The following SLC4A9 variants were observed in gnomAD, a reference collection of about 807,000 sequenced individuals.
The protein encoded by SLC4A9 is solute carrier family 4 member 9.
Under a neutral mutation model 103.2 loss-of-function variants are expected in SLC4A9, and 102 were observed. The observed-to-expected ratio is 0.99, with a 90% CI of 0.84 to 1.17. The LOEUF (loss-of-function observed/expected upper bound fraction) is 1.17, where lower values mean the gene tolerates loss of function less well. Ranked by LOEUF, SLC4A9 falls within the 50% of genes most tolerant of loss-of-function variation. The pLI, the probability that SLC4A9 is intolerant of heterozygous loss-of-function variation, is 0.00. For synonymous variants in SLC4A9, 453 were observed against 483.6 expected, an observed-to-expected ratio of 0.94 and a Z score of 0.83; for missense variants, 1,091 against 1,193.7, an observed-to-expected ratio of 0.91 and a Z score of 1.27.
In SLC4A9 at chr5:140,363,993, C is replaced by G; in HGVS notation, c.1255-61C>G. Reference sequence around the variant, plus strand: ...TATGGGTAAGTTAAGGAGGCTCTCCCAAAGCTTCAAAGGACCCCGAGGACT... The same window carrying G: ...TATGGGTAAGTTAAGGAGGCTCTCCGAAAGCTTCAAAGGACCCCGAGGACT... On this transcript the variant is annotated intron_variant, in intron 9 of 21. Coordinates refer to ENST00000506757, the MANE Select transcript of SLC4A9 (RefSeq NM_031467.3). The surrounding 1 kb of genome is among the most constrained non-coding windows in gnomAD (Gnocchi z 4.5). 5 of 1,540,046 alleles carry G rather than the reference C, an allele frequency of 3.2e-6. No individual in the cohort carries two copies. The highest frequency in any genetic ancestry group is 3.5e-6 in the Non-Finnish European group (4 of 1,142,506).
chr5:140,372,245 C>T lies in SLC4A9; in HGVS notation c.2674C>T (p.Leu892=), dbSNP rs2126799137. ...GGCCATGTTTCTATTCCTGCAGTTGCTGGGCCTTGTGGGGGTCCGAAAGGC... is the reference window on the plus strand; with the variant it reads ...GGCCATGTTTCTATTCCTGCAGTTGTTGGGCCTTGTGGGGGTCCGAAAGGC... ...PAAIIFPLML[L]GLVGVRKALE... is the part of the protein sequence containing the mutation. Residue 892 remains leucine (L), a synonymous_variant, in exon 20 of 22, where the codon CTG becomes TTG. Transcript: ENST00000506757. The T allele has an allele frequency of 6.4e-7, 1 of 1,553,272 alleles. No individual in the cohort carries two copies. Among genetic ancestry groups the T allele is most frequent in the South Asian group, 1.2e-5 (1 of 81,916 alleles).
In SLC4A9 at chr5:140,372,784, AT is replaced by A. The variant is rs1382070403; in HGVS notation, c.2869del (p.Ser957LeufsTer2). The A allele has an allele frequency of 3.2e-6, 5 of 1,573,942 alleles. No individual in the cohort carries two copies. The highest frequency in any genetic ancestry group is 4.3e-6 in the Non-Finnish European group (5 of 1,158,526). ...MYQPKAPEINISVN is the reference protein window; with the variant it reads ...MYQPKAPEINXSVN ...TCAGCCAAAGGCTCCAGAAATCAAC[AT>A]TTCTGTGAATTAGCTGGAGTAGGAG... On this transcript the variant is annotated frameshift_variant, in exon 21 of 22. Transcript: ENST00000506757. LOFTEE classifies it high-confidence loss of function.
rs1767818250 is a variant in SLC4A9, at chr5:140,365,970, T to C, written c.1847T>C (p.Phe616Ser). The C allele has an allele frequency of 1.2e-6, 2 of 1,613,914 alleles. No individual in the cohort carries two copies. Among genetic ancestry groups the C allele is most frequent in the Admixed American group, 1.7e-5 (1 of 60,004 alleles). Residue 616 changes from phenylalanine to serine, a missense_variant, in exon 13 of 22, where the codon TTC (phenylalanine) becomes TCC (serine). Coordinates refer to ENST00000506757, the MANE Select transcript of SLC4A9 (RefSeq NM_031467.3). ...FSLLLFLTSF[F>S]FAMALKCVKT... Reference sequence around the variant, plus strand: ...CTTCTCCTCTTCCTTACTTCTTTCTTCTTTGCTATGGCCCTCAAGTGTGTA... The same window carrying C: ...CTTCTCCTCTTCCTTACTTCTTTCTCCTTTGCTATGGCCCTCAAGTGTGTA...
At chr5:140,361,893 C>T (rs1253369567) in intron 4 of SLC4A9, 30 bp downstream of exon 4, 2 of 1,601,002 alleles carry the variant, frequency 1.2e-6, no homozygotes, top group African/African-American at 1.3e-5. Flanking sequence ...GGTCCCTTTC[C>T]AGTGGCTGGG....
chr5:140,365,389 T>C (rs1767724758), intron 11 of SLC4A9, 131 bp from the exon 12 acceptor site: 3 of 717,626 alleles, frequency 4.2e-6, no homozygotes, highest in Admixed American at 5.0e-5. Flanking sequence ...TTGGTAGTGA[T>C]AGAGTCAGCA....
intron 16 of SLC4A9, 100 bp from the exon 17 acceptor site, chr5:140,368,487 T>C: frequency 2.1e-6 from 2 of 961,298 alleles, no homozygotes; most frequent in Non-Finnish European, 3.1e-6. Flanking sequence ...TCTAGTTTTC[T>C]CTTGCTGCCG....
rs764464693 is a variant in SLC4A9 at position 140,361,354 on chromosome 5, C to A, written c.492C>A (p.Thr164=). ...AGCATTACAACCAGACCACAGGCACCAGGCCCTGCTGGGGTGAGAGCCCCT... is the reference window on the plus strand; with the variant it reads ...AGCATTACAACCAGACCACAGGCACAAGGCCCTGCTGGGGTGAGAGCCCCT... ...RPQHYNQTTG[T]RPCWGSTHPR... Residue 164 remains threonine, a synonymous_variant, in exon 3 of 22, where the codon ACC becomes ACA. Transcript: ENST00000506757. The A allele has an allele frequency of 1.9e-6, 3 of 1,556,500 alleles. No individual in the cohort carries two copies. The South Asian group carries it at 3.6e-5, about 18-fold the overall frequency.
chr5:140,374,320 G>A (rs1188375171), intron 21 of SLC4A9, among the ~76,000 whole-genome samples: 3 of 152,016 alleles, frequency 2.0e-5, no homozygotes, highest in Non-Finnish European at 4.4e-5. Flanking sequence ...AGCACTTTGG[G>A]AGGCCGAGGC....
Position 140,363,538 on chromosome 5 carries a change from G to A in SLC4A9, c.1062G>A (p.Glu354=). The A allele has an allele frequency of 6.4e-7, 1 of 1,553,384 alleles. No individual in the cohort carries two copies. Among genetic ancestry groups the A allele is most frequent in the Non-Finnish European group, 8.7e-7 (1 of 1,148,188 alleles). Residue 354 remains glutamate, a synonymous_variant, in exon 8 of 22, where the codon GAG becomes GAA. Coordinates refer to ENST00000506757, the MANE Select transcript of SLC4A9 (RefSeq NM_031467.3). The surrounding 1 kb of genome is among the most constrained non-coding windows in gnomAD (Gnocchi z 4.5). ...HRHGPHAHSP[E]LQRTGRLFGG... is the part of the protein sequence containing the mutation. Reference sequence around the variant, plus strand: ...ATGGGCCACACGCACACAGCCCGGAGTTGCAGCGGACCGGCAGGTGAGGCG... The same window carrying A: ...ATGGGCCACACGCACACAGCCCGGAATTGCAGCGGACCGGCAGGTGAGGCG...
Position 140,363,426 on chromosome 5 carries a change from C to T in SLC4A9, c.963-13C>T. Reference sequence around the variant, plus strand: ...GAGATCCTCAGCCAACCTGGGGTTCCCCTCCTCCTCAGGCTTCCCTCGCAA... The same window carrying T: ...GAGATCCTCAGCCAACCTGGGGTTCTCCTCCTCCTCAGGCTTCCCTCGCAA... On this transcript the variant is annotated splice_polypyrimidine_tract_variant and intron_variant, in intron 7 of 21. Coordinates refer to ENST00000506757, the MANE Select transcript of SLC4A9 (RefSeq NM_031467.3). This position sits in a 1 kb window ranked among gnomAD's most constrained non-coding sequence, Gnocchi z 4.5. 1 of 1,550,378 alleles carries T rather than the reference C, an allele frequency of 6.5e-7. No individual in the cohort carries two copies. Among genetic ancestry groups the T allele is most frequent in the African/African-American group, 1.4e-5 (1 of 73,158 alleles).
chr5:140,370,464 CAA>C (rs397976586), intron 17 of SLC4A9, among the ~76,000 whole-genome samples: 2 of 90,874 alleles, frequency 2.2e-5, no homozygotes. Context: ...AACTCCACCT[CAA>C]AAAAAAAAAA....
Position 140,363,776 on chromosome 5 carries a change from C to A in SLC4A9, c.1128C>A (p.Tyr376Ter). 6.2e-7 allele frequency: 1 copy of A among 1,613,920 alleles called. No individual in the cohort carries two copies. The highest frequency in any genetic ancestry group is 1.3e-5 in the African/African-American group (1 of 75,018). Residue 376 changes from tyrosine to a stop codon, truncating the protein, a stop_gained, in exon 9 of 22, where the codon TAC becomes TAA. Coordinates refer to ENST00000506757, the MANE Select transcript of SLC4A9 (RefSeq NM_031467.3). LOFTEE classifies it high-confidence loss of function. This position sits in a 1 kb window ranked among gnomAD's most constrained non-coding sequence, Gnocchi z 4.5. ...IQDVRRKVPW[Y>*]PSDFLDALHL... ...ACGTGCGCAGGAAGGTCCCGTGGTA[C>A]CCCAGCGATTTCTTGGACGCCCTGC... is the stretch of plus-strand genomic sequence containing the variant.
chr5:140,364,705 CT>C (rs1387729469), intron 11 of SLC4A9, 80 bp downstream of exon 11: 9 of 1,512,432 alleles, frequency 6.0e-6, no homozygotes, highest in Non-Finnish European at 8.0e-6. Context: ...ACTATCCCCC[CT>C]GGTTAAGTTC....
At chr5:140,370,053 AAAAC>A (rs1170015340) in intron 17 of SLC4A9, among the ~76,000 whole-genome samples, 2 of 152,160 alleles carry the variant, frequency 1.3e-5, no homozygotes, top group Non-Finnish European at 2.9e-5. Flanking sequence ...CCTAAACAAA[AAAAC>A]AAACAAAAAC....
In SLC4A9 at chr5:140,371,435, C is replaced by G. The variant is rs1195175841; in HGVS notation, c.2497-16C>G. The G allele has an allele frequency of 6.2e-7, 1 of 1,613,744 alleles. No individual in the cohort carries two copies. Among genetic ancestry groups the G allele is most frequent in the African/African-American group, 1.3e-5 (1 of 75,040 alleles). ...TACCTGAGTGCCCTGCTTTCCTCTT[C>G]CTCTTGTTCCCCTAGTTCACTAATA... On this transcript the variant is annotated splice_polypyrimidine_tract_variant and intron_variant, in intron 18 of 21. Coordinates refer to ENST00000506757, the MANE Select transcript of SLC4A9 (RefSeq NM_031467.3).
At chr5:140,367,674 G>T in intron 15 of SLC4A9, 46 bp from the exon 16 acceptor site, 1 of 1,609,802 alleles carries the variant, frequency 6.2e-7, no homozygotes, top group South Asian at 1.1e-5. Flanking sequence ...CAGAGGGCTG[G>T]GGCCTGGGCT....
intron 12 of SLC4A9, 108 bp from the exon 13 acceptor site, chr5:140,365,726 C>A: frequency 2.8e-6 from 4 of 1,431,044 alleles, no homozygotes; most frequent in Non-Finnish European, 3.8e-6. Flanking sequence ...ACTTCCCATC[C>A]TGGGCCCCTG....
intron 21 of SLC4A9, among the ~76,000 whole-genome samples, chr5:140,373,428 C>T (rs1302828266): frequency 6.6e-6 from 1 of 152,048 alleles, no homozygotes; most frequent in African/African-American, 2.4e-5. Context: ...AATAAACAGA[C>T]AATTGTTAGA....
intron 14 of SLC4A9, among the ~76,000 whole-genome samples, 166 bp downstream of exon 14, chr5:140,366,430 GA>G (rs1767901404): frequency 6.6e-6 from 1 of 152,192 alleles, no homozygotes; most frequent in Non-Finnish European, 1.5e-5. Flanking sequence ...AGGATTAAAT[GA>G]AGTACTGCAG....
Sources: gnomAD v4.1 joint callset for allele counts (sites outside exome capture counted in the v4.1 genomes callset) on GRCh38, gnomAD v4.1.1 for gene constraint, Gnocchi (gnomAD v3.1) non-coding constraint, MANE v1.5 for transcripts, NCBI Gene and HGNC (gene_info 2026-07-23, HGNC 2026-07-21) for gene names.